Variants in ZC3H13 observed in about 807,000 individuals in gnomAD.
ZC3H13 encodes the protein zinc finger CCCH-type containing 13.
ZC3H13 carries 64 observed loss-of-function variants against 204.1 expected under a neutral mutation model. That is an observed-to-expected ratio of 0.31 (90% CI 0.26 to 0.39). The LOEUF is 0.39. Among genes scored for constraint, ZC3H13 ranks in the 10% least tolerant of loss-of-function variants. The pLI is 1.00. For synonymous variants in ZC3H13, 667 were observed against 693.7 expected, an observed-to-expected ratio of 0.96 and a Z score of 0.60; for missense variants, 1,833 against 2,082.7, an observed-to-expected ratio of 0.88 and a Z score of 2.33.
intron 4 of ZC3H13, 62 bp downstream of exon 4, chr13:46,042,102 T>C (rs2043627397): frequency 3.1e-6 from 4 of 1,285,872 alleles, no homozygotes; most frequent in South Asian, 2.4e-5. Context: ...ATATTTAAAA[T>C]GAAACTCAAA....
rs766591282 is a variant in ZC3H13, at chr13:45,969,441, G to T, written c.3103C>A (p.Pro1035Thr). The T allele has an allele frequency of 1.2e-6, 2 of 1,613,958 alleles. No individual in the cohort carries two copies. Among genetic ancestry groups the T allele is most frequent in the South Asian group, 2.2e-5 (2 of 91,050 alleles). ...SKKKRGPRTP[P>T]ITTKEELVEM... ...ACCAATTCCTCTTTAGTTGTTATAG[G>T]GGGAGTCCGTGGGCCTCTTTTCTTC... The change falls in exon 14 of 19, where the codon CCT (proline) becomes ACT (threonine). Residue 1035 changes from proline to threonine, a missense_variant. Transcript: ENST00000679008.
chr13:46,041,662 T>TA (rs763815403), intron 4 of ZC3H13, among the ~76,000 whole-genome samples: 9 of 152,190 alleles, frequency 5.9e-5, no homozygotes, highest in Non-Finnish European at 1.2e-4. Flanking sequence ...AACTACATTA[T>TA]AAATTTTATT....
Position 45,969,359 on chromosome 13 carries a change from G to T in ZC3H13, c.3185C>A (p.Thr1062Lys). The stretch of plus-strand genomic sequence containing the variant: ...CTCATCAGACCAGTCACTGAATGCT[G>T]TATCTTCTTTTTTCTGGGAGTCCTC... Reference protein sequence around the residue: ...ILEDSQKKEDTAFSDWSDEDV... With the variant: ...ILEDSQKKEDKAFSDWSDEDV... The change falls in exon 14 of 19, where the codon ACA (threonine) becomes AAA (lysine). Residue 1062 changes from threonine (T) to lysine (K), a missense_variant. Coordinates refer to ENST00000679008, the MANE Select transcript of ZC3H13 (RefSeq NM_001330564.2). The T allele has an allele frequency of 6.2e-7, 1 of 1,614,018 alleles. No individual in the cohort carries two copies. The highest frequency in any genetic ancestry group is 8.5e-7 in the Non-Finnish European group (1 of 1,180,014).
intron 6 of ZC3H13, among the ~76,000 whole-genome samples, 190 bp from the exon 7 acceptor site, chr13:46,010,695 A>G (rs1261014694): frequency 6.6e-6 from 1 of 151,764 alleles, no homozygotes; most frequent in Non-Finnish European, 1.5e-5. Context: ...GAGGAGTTTG[A>G]GATCAGCCTG....
chr13:46,030,858 C>G (rs936860078), intron 4 of ZC3H13, among the ~76,000 whole-genome samples: 4 of 152,170 alleles, frequency 2.6e-5, no homozygotes, highest in Non-Finnish European at 4.4e-5. Flanking sequence ...ACATATCTGT[C>G]AAGATGTCAG....
At chr13:46,036,882 C>T (rs2043242913) in intron 4 of ZC3H13, among the ~76,000 whole-genome samples, 1 of 152,070 alleles carries the variant, frequency 6.6e-6, no homozygotes, top group Non-Finnish European at 1.5e-5. Flanking sequence ...CCACACCTGG[C>T]TAATTTTTGC....
At chr13:46,028,077 T>C (rs1241538418) in intron 4 of ZC3H13, among the ~76,000 whole-genome samples, 3 of 152,126 alleles carry the variant, frequency 2.0e-5, no homozygotes, top group African/African-American at 4.8e-5. Flanking sequence ...GTATGTTGTC[T>C]ACAAGAAACC....
chr13:46,011,429 T>G lies in ZC3H13; in HGVS notation c.574A>C (p.Ile192Leu). ...QENMEKREEI[I>L]IKKEVSPEVV... Reference sequence around the variant, plus strand: ...AAATAGCATACCTCCTTTTTAATGATAATTTCTTCTCTCTTCTCCATGTTT... The same window carrying G: ...AAATAGCATACCTCCTTTTTAATGAGAATTTCTTCTCTCTTCTCCATGTTT... Residue 192 changes from isoleucine to leucine, a missense_variant, in exon 6 of 19, where the codon ATC (isoleucine) becomes CTC (leucine). Coordinates refer to ENST00000679008, the MANE Select transcript of ZC3H13 (RefSeq NM_001330564.2). 1.2e-6 allele frequency: 2 copies of G among 1,605,260 alleles called. No individual in the cohort carries two copies. Among genetic ancestry groups the G allele is most frequent in the South Asian group, 2.2e-5 (2 of 89,186 alleles).
chr13:45,959,504 C>T lies in ZC3H13; in HGVS notation c.4818G>A (p.Lys1606=), dbSNP rs1313546408. Reference sequence around the variant, plus strand: ...GTACCTTCTCATTTTTAACAAGCTGCTTTCGAATTGCAGAATCCCGTCTGA... The same window carrying T: ...GTACCTTCTCATTTTTAACAAGCTGTTTTCGAATTGCAGAATCCCGTCTGA... ...LCFRRDSAIR[K]QLVKNEKGTI... The change falls in exon 18 of 19, where the codon AAG becomes AAA. Residue 1606 remains lysine, a synonymous_variant. Transcript: ENST00000679008. 3.0e-5 allele frequency: 47 copies of T among 1,542,824 alleles called. 1 individual carries two copies. Among genetic ancestry groups the T allele is most frequent in the Non-Finnish European group, 4.1e-5 (47 of 1,144,106 alleles).
chr13:45,969,992 A>G, intron 13 of ZC3H13, 21 bp from the exon 14 acceptor site: 1 of 1,582,690 alleles, frequency 6.3e-7, no homozygotes, highest in Non-Finnish European at 8.6e-7. Context: ...GATAAAAGCA[A>G]TCACACTCTC....
intron 4 of ZC3H13, among the ~76,000 whole-genome samples, chr13:46,032,867 G>C (rs1257792150): frequency 6.6e-6 from 1 of 152,066 alleles, no homozygotes; most frequent in Non-Finnish European, 1.5e-5. Context: ...CTCTGGTACA[G>C]TGTTAAGTTA....
At chr13:46,007,663 A>G (rs1025645140) in intron 7 of ZC3H13, among the ~76,000 whole-genome samples, 3 of 152,202 alleles carry the variant, frequency 2.0e-5, no homozygotes, top group Non-Finnish European at 4.4e-5. Context: ...GTGCTTTCCA[A>G]CTGAAGAGGC....
At chr13:45,965,985 C>T (rs774760570) in intron 15 of ZC3H13, among the ~76,000 whole-genome samples, 13 of 152,248 alleles carry the variant, frequency 8.5e-5, no homozygotes, top group Middle Eastern at 3.4e-3. Context: ...ATTCCTCCTC[C>T]CTATCTCAAT....
At chr13:45,963,438 T>C in intron 17 of ZC3H13, 1 of 991,758 alleles carries the variant, frequency 1.0e-6, no homozygotes, top group Non-Finnish European at 1.2e-6. Flanking sequence ...TTTTTTTTTT[T>C]TGAGACAGGG....
At position 45,980,777 on chromosome 13, in the gene ZC3H13, T is replaced by C. The variant is rs114769940; in HGVS notation, c.1721-773A>G. ...AGGGGCCAGGGGAGGGTTGTGGCTA[T>C]AAAGGGGTAATAAAAAGGAATCTTA... On this transcript the variant is annotated intron_variant, in intron 10 of 18. Transcript: ENST00000679008. Among the ~76,000 whole-genome samples, 741 of 152,158 alleles carry C rather than the reference T, an allele frequency of 4.9e-3. 2 individuals carry two copies. Among genetic ancestry groups the C allele is most frequent in the African/African-American group, 0.017 (703 of 41,510 alleles).
rs1158203894 is a variant in ZC3H13 at position 45,967,620 on chromosome 13, A to G, written c.4205T>C (p.Leu1402Pro). Residue 1402 changes from leucine (L) to proline (P), a missense_variant, in exon 15 of 19, where the codon CTA becomes CCA. Leu to Pro is a moderately conservative substitution (Grantham distance 98, BLOSUM62 -3). Around this residue, in one of 5 missense-constraint regions of ZC3H13, gnomAD observed 1,574 missense variants for 1,757.2 expected, o/e 0.90. Coordinates refer to ENST00000679008, the MANE Select transcript of ZC3H13 (RefSeq NM_001330564.2). ...TAGAGAGTCTCGGGAAGTGCTTTCT[A>G]GATCCCTTTCATGTTCACCTTCCAG... ...AKLEGEHERDLESTSRDSLAL... is the reference protein window; with the variant it reads ...AKLEGEHERDPESTSRDSLAL... 1 of 1,614,096 alleles carries G rather than the reference A, an allele frequency of 6.2e-7. No individual in the cohort carries two copies. The highest frequency in any genetic ancestry group is 2.2e-5 in the East Asian group (1 of 44,886).
chr13:45,970,434 G>C lies in ZC3H13; in HGVS notation c.2500C>G (p.Pro834Ala). The C allele has an allele frequency of 6.2e-7, 1 of 1,613,702 alleles. No homozygotes were observed. The highest frequency in any genetic ancestry group is 8.5e-7 in the Non-Finnish European group (1 of 1,179,748). The change falls in exon 13 of 19, where the codon CCT becomes GCT. Residue 834 changes from proline (P) to alanine (A), a missense_variant. This residue lies in a region of ZC3H13 where 1,574 missense variants were observed against 1,757.2 expected (regional missense o/e 0.90). Transcript: ENST00000679008. ...KRYRNEGSPS[P>A]RQSPKRRREH... is the part of the protein sequence containing the mutation. Reference sequence around the variant, plus strand: ...CGCCGGCGCTTCGGGGACTGTCTAGGGCTGGGACTCCCTTCATTTCTATAG... The same window carrying C: ...CGCCGGCGCTTCGGGGACTGTCTAGCGCTGGGACTCCCTTCATTTCTATAG...
At chr13:45,993,696 T>C (rs1366580441) in intron 8 of ZC3H13, among the ~76,000 whole-genome samples, 1 of 152,184 alleles carries the variant, frequency 6.6e-6, no homozygotes, top group Non-Finnish European at 1.5e-5. Flanking sequence ...AAAAAGAAAA[T>C]GCTTCTGTGT....
intron 4 of ZC3H13, among the ~76,000 whole-genome samples, chr13:46,025,390 T>G (rs1202546360): frequency 2.0e-5 from 3 of 152,192 alleles, no homozygotes; most frequent in Non-Finnish European, 4.4e-5. Flanking sequence ...CACTGTAGTC[T>G]TGACCTCTTG....
Sources: gnomAD v4.1 joint callset for allele counts (sites outside exome capture counted in the v4.1 genomes callset) on GRCh38, gnomAD v4.1.1 for gene constraint, gnomAD v4.1.1 regional missense constraint, MANE v1.5 for transcripts, NCBI Gene and HGNC (gene_info 2026-07-23, HGNC 2026-07-21) for gene names.